The following ZEB1 variants were observed in gnomAD, a reference collection of about 807,000 sequenced individuals.
ZEB1 encodes zinc finger E-box binding homeobox 1, also known as zinc finger E-box-binding homeobox 1.
ZEB1 carries 21 observed loss-of-function variants against 84.9 expected under a neutral mutation model. That is an observed-to-expected ratio of 0.25 (90% confidence interval 0.18 to 0.36). The LOEUF (loss-of-function observed/expected upper bound fraction) is 0.36, where lower values mean the gene tolerates loss of function less well. Among genes scored for constraint, ZEB1 ranks in the 10% least tolerant of loss-of-function variants. The probability of loss-of-function intolerance (pLI) is 1.00; values close to 1 mark genes in which losing one functional copy is unlikely to be tolerated. For missense variants in ZEB1, 1,104 were observed against 1,330.2 expected (o/e 0.83, Z 2.65); for synonymous variants, 420 against 471.1 (o/e 0.89, Z 1.41).
At chr10:31,479,976 A>G (rs2138408616) in intron 2 of ZEB1, among the ~76,000 whole-genome samples, 1 of 152,098 alleles carries the variant, frequency 6.6e-6, no homozygotes, top group South Asian at 2.1e-4. Context: ...TTCAGCCAAA[A>G]ACTCTCATGC....
At chr10:31,460,664 T>C (rs1040000777) in intron 1 of ZEB1, among the ~76,000 whole-genome samples, 1 of 152,164 alleles carries the variant, frequency 6.6e-6, no homozygotes, top group African/African-American at 2.4e-5. Context: ...ACTTCCTAGC[T>C]GTGATCTTAG....
At chr10:31,321,361 G>A (rs1318763491) in intron 1 of ZEB1, 45 of 1,518,186 alleles carry the variant, frequency 3.0e-5, no homozygotes, top group Non-Finnish European at 3.7e-5. Context: ...TTTTAAAGAC[G>A]TCTGTTGATT....
intron 1 of ZEB1, among the ~76,000 whole-genome samples, chr10:31,433,894 C>T (rs1220211380): frequency 2.6e-5 from 4 of 152,044 alleles, no homozygotes; most frequent in Non-Finnish European, 4.4e-5. Context: ...GCAAGTACTG[C>T]CTTAGTATTA....
intron 1 of ZEB1, among the ~76,000 whole-genome samples, chr10:31,428,186 C>T (rs944951516): frequency 1.3e-5 from 2 of 151,980 alleles, no homozygotes; most frequent in African/African-American, 2.4e-5. Context: ...TCTATCTTTT[C>T]GATGTGGGCA....
intron 1 of ZEB1, among the ~76,000 whole-genome samples, chr10:31,376,316 C>T (rs1249307625): frequency 2.0e-5 from 3 of 151,708 alleles, no homozygotes; most frequent in Non-Finnish European, 4.4e-5. Context: ...TTAATCCGCT[C>T]ATACTCCTCA....
chr10:31,476,572 C>T (rs73262033), intron 2 of ZEB1, among the ~76,000 whole-genome samples: 2,336 of 152,012 alleles, frequency 0.015, 56 homozygotes, highest in African/African-American at 0.052. Flanking sequence ...GAAACTATTC[C>T]AAAATACCAA....
chr10:31,363,585 C>G (rs761514859), intron 1 of ZEB1: 49 of 1,522,722 alleles, frequency 3.2e-5, no homozygotes, highest in Admixed American at 9.8e-5. Context: ...CTTCTTTGGG[C>G]TCTTCTGCGC....
intron 4 of ZEB1, among the ~76,000 whole-genome samples, chr10:31,507,745 T>G (rs982109515): frequency 4.6e-5 from 7 of 152,120 alleles, no homozygotes; most frequent in Non-Finnish European, 1.0e-4. Flanking sequence ...TTCTGGTTCC[T>G]TTGTGTTGCT....
In ZEB1 at chr10:31,528,352, C is replaced by G. The variant is rs955885085; in HGVS notation, c.*1088C>G. ...TTATGTTGATTGATTTTCAGAATTTCTCTACAGAAACGAAAGGGAAATTTT... is the reference window on the plus strand; with the variant it reads ...TTATGTTGATTGATTTTCAGAATTTGTCTACAGAAACGAAAGGGAAATTTT... On this transcript the variant is annotated 3_prime_UTR_variant, in exon 9 of 9. Coordinates refer to ENST00000424869, the MANE Select transcript of ZEB1 (RefSeq NM_001174096.2). 2 of 152,170 alleles carry G rather than the reference C, an allele frequency of 1.3e-5. No homozygotes were observed. Among genetic ancestry groups the G allele is most frequent in the African/African-American group, 4.8e-5 (2 of 41,440 alleles). 9.4% of individuals were successfully genotyped at this position (152,170 alleles called of 1,614,324 possible).
intron 1 of ZEB1, among the ~76,000 whole-genome samples, chr10:31,407,351 T>C (rs2053305922): frequency 1.4e-5 from 2 of 140,842 alleles, no homozygotes; most frequent in African/African-American, 3.1e-5. Context: ...CGGTGTTTGG[T>C]TTTTTGTTAT....
At chr10:31,321,739 T>G in intron 1 of ZEB1, 1 of 665,602 alleles carries the variant, frequency 1.5e-6, no homozygotes. Flanking sequence ...AATATTACAC[T>G]CGTAAGGCAT....
chr10:31,389,676 G>A (rs1402493613), intron 1 of ZEB1: 1 of 151,870 alleles, frequency 6.6e-6, no homozygotes, highest in African/African-American at 2.4e-5. Context: ...AAGATAATTC[G>A]AGCCATAAAT....
At chr10:31,407,964 G>T (rs576479445) in intron 1 of ZEB1, among the ~76,000 whole-genome samples, 2,140 of 148,064 alleles carry the variant, frequency 0.014, 47 homozygotes, top group African/African-American at 0.051. Context: ...GTCCCTGTTT[G>T]CAGATGACAT....
At chr10:31,510,606 T>C in intron 4 of ZEB1, 67 bp from the exon 5 acceptor site, 2 of 1,323,904 alleles carry the variant, frequency 1.5e-6, no homozygotes, top group Non-Finnish European at 2.1e-6. Context: ...GCATAGGGAC[T>C]CAGTGGAAAC....
chr10:31,459,938 G>T (rs745669492), intron 1 of ZEB1, among the ~76,000 whole-genome samples: 18 of 149,546 alleles, frequency 1.2e-4, no homozygotes, highest in Non-Finnish European at 1.0e-4. Flanking sequence ...TTCAAGAATT[G>T]TTGGAAAATT....
intron 1 of ZEB1, among the ~76,000 whole-genome samples, chr10:31,443,274 AT>A (rs1473498499): frequency 2.6e-5 from 4 of 151,996 alleles, no homozygotes; most frequent in Non-Finnish European, 5.9e-5. Context: ...CTTTAGTCAT[AT>A]GTGTTGCACA....
At chr10:31,340,935 T>C (rs1028679867) in intron 1 of ZEB1, among the ~76,000 whole-genome samples, 1 of 152,014 alleles carries the variant, frequency 6.6e-6, no homozygotes, top group Non-Finnish European at 1.5e-5. Flanking sequence ...AGAAACAACA[T>C]GGAATGTTCT....
chr10:31,471,943 A>G, intron 2 of ZEB1, among the ~76,000 whole-genome samples: 1 of 139,654 alleles, frequency 7.2e-6, no homozygotes, highest in East Asian at 2.0e-4. Flanking sequence ...AAACTGAACA[A>G]CCTGCTCCTG....
intron 1 of ZEB1, among the ~76,000 whole-genome samples, chr10:31,344,873 G>T (rs2040028289): frequency 6.6e-6 from 1 of 152,040 alleles, no homozygotes; most frequent in Non-Finnish European, 1.5e-5. Flanking sequence ...TGAATCAGCA[G>T]TTTAGTGATT....
Sources: gnomAD v4.1 joint callset for allele counts (sites outside exome capture counted in the v4.1 genomes callset) on GRCh38, gnomAD v4.1.1 for gene constraint, MANE v1.5 for transcripts, NCBI Gene and HGNC (gene_info 2026-07-23, HGNC 2026-07-21) for gene names.